The following GPR137B variants were observed in gnomAD, a reference collection of about 807,000 sequenced individuals.
GPR137B encodes integral membrane protein GPR137B.
GPR137B carries 42 observed loss-of-function variants against 42.5 expected under a neutral mutation model. That is an observed-to-expected ratio of 0.99 (90% CI 0.77 to 1.28). The LOEUF (loss-of-function observed/expected upper bound fraction) is 1.28. GPR137B is among the 50% of genes most tolerant of loss of function. The probability of loss-of-function intolerance (pLI) is 0.00; values close to 1 mark genes in which losing one functional copy is unlikely to be tolerated. For synonymous variants in GPR137B, 218 were observed against 209.7 expected (o/e 1.04, Z -0.34); for missense variants, 487 against 493.9 (o/e 0.99, Z 0.13).
chr1:236,174,679 G>A lies in GPR137B; in HGVS notation c.465-3735G>A, dbSNP rs111876805. ...AACAGAAATAGGAACACTTAGAGGC[G>A]TGCTAGAAGAGGGACACTGGGGCTG... On this transcript the variant is annotated intron_variant, in intron 2 of 6. Coordinates refer to ENST00000366592, the MANE Select transcript of GPR137B (RefSeq NM_003272.4). Among the ~76,000 whole-genome samples, 11 of 152,280 alleles carry A rather than the reference G, an allele frequency of 7.2e-5. 1 individual carries two copies. The highest frequency in any genetic ancestry group is 2.6e-4 in the African/African-American group (11 of 41,568).
intron 2 of GPR137B, among the ~76,000 whole-genome samples, chr1:236,174,212 CTAAGA>C (rs1662622809): frequency 6.6e-6 from 1 of 152,112 alleles, no homozygotes; most frequent in Non-Finnish European, 1.5e-5. Context: ...GCCTCCTTTC[CTAAGA>C]TAATAACAGG....
chr1:236,193,378 C>T (rs56679866), intron 5 of GPR137B, among the ~76,000 whole-genome samples: 1,689 of 152,106 alleles, frequency 0.011, 35 homozygotes, highest in African/African-American at 0.031. Flanking sequence ...TCATTTCTCT[C>T]GGGTATATTC....
At chr1:236,148,031 AGCTTC>A (rs1350957304) in intron 1 of GPR137B, among the ~76,000 whole-genome samples, 3 of 152,162 alleles carry the variant, frequency 2.0e-5, no homozygotes, top group African/African-American at 7.2e-5. Flanking sequence ...GGAACAGCTG[AGCTTC>A]TGCTCCCGGC....
chr1:236,183,976 T>C, intron 5 of GPR137B, 70 bp downstream of exon 5: 1 of 1,035,346 alleles, frequency 9.7e-7, no homozygotes, highest in South Asian at 1.6e-5. Context: ...CAATTAGAAC[T>C]TTTTCTTCAT....
At chr1:236,151,055 A>G (rs1434479689) in intron 1 of GPR137B, among the ~76,000 whole-genome samples, 1 of 152,224 alleles carries the variant, frequency 6.6e-6, no homozygotes, top group East Asian at 1.9e-4. Context: ...ATGTGATCCC[A>G]AGAGCCGCTT....
rs7541764 is a variant in GPR137B, at chr1:236,191,948, T to A, written c.966+8042T>A. Among the ~76,000 whole-genome samples the A allele has an allele frequency of 4.1e-3, 628 of 152,320 alleles. 4 individuals carry two copies. Among genetic ancestry groups the A allele is most frequent in the African/African-American group, 0.014 (593 of 41,570 alleles). The stretch of plus-strand genomic sequence containing the variant: ...CACAGCTGCCCCTTCCCCCAAGTGC[T>A]CTGTCCCAGGGAGATGGGGGTTTTA... On this transcript the variant is annotated intron_variant, in intron 5 of 6. Coordinates refer to ENST00000366592, the MANE Select transcript of GPR137B (RefSeq NM_003272.4).
chr1:236,160,506 C>G (rs769587062), intron 1 of GPR137B, among the ~76,000 whole-genome samples: 15 of 152,186 alleles, frequency 9.9e-5, no homozygotes, highest in Non-Finnish European at 1.6e-4. Context: ...TCCTGCCTCT[C>G]CCTGTCTGCC....
chr1:236,178,519 C>T lies in GPR137B; in HGVS notation c.570C>T (p.Ile190=), dbSNP rs757278753. The T allele has an allele frequency of 9.3e-6, 15 of 1,613,026 alleles. No homozygotes were observed. Among genetic ancestry groups the T allele is most frequent in the South Asian group, 4.4e-5 (4 of 91,038 alleles). ...VKTGNWERKV[I]VSVRVAINDT... ...CGGGAAATTGGGAGAGGAAGGTTAT[C>T]GTCTCTGTGCGAGTGGCCATTAATG... Residue 190 remains isoleucine, a synonymous_variant, in exon 3 of 7, where the codon ATC becomes ATT. Transcript: ENST00000366592.
At chr1:236,174,107 A>T (rs1439446776) in intron 2 of GPR137B, among the ~76,000 whole-genome samples, 1 of 152,164 alleles carries the variant, frequency 6.6e-6, no homozygotes, top group African/African-American at 2.4e-5. Context: ...GACAAAGTTG[A>T]TGTCTATATT....
chr1:236,152,735 CAA>C (rs1193514489), intron 1 of GPR137B, among the ~76,000 whole-genome samples: 4 of 151,702 alleles, frequency 2.6e-5, no homozygotes, highest in African/African-American at 7.3e-5. Context: ...ACCTGGGTGA[CAA>C]GAGTGAAACT....
intron 5 of GPR137B, among the ~76,000 whole-genome samples, chr1:236,190,830 C>T (rs1380232048): frequency 6.6e-6 from 1 of 152,056 alleles, no homozygotes; most frequent in African/African-American, 2.4e-5. Flanking sequence ...GTGTCTTGCC[C>T]TTCTTAAGGA....
intron 1 of GPR137B, among the ~76,000 whole-genome samples, chr1:236,145,033 T>A (rs998470329): frequency 2.0e-5 from 3 of 152,244 alleles, no homozygotes; most frequent in Non-Finnish European, 2.9e-5. Flanking sequence ...GGCCCTGTAC[T>A]CTTTATATCT....
chr1:236,157,179 G>C (rs1005731592), intron 1 of GPR137B, among the ~76,000 whole-genome samples: 1 of 151,886 alleles, frequency 6.6e-6, no homozygotes, highest in African/African-American at 2.4e-5. Flanking sequence ...GCTGATAATT[G>C]GTAGAGCCAG....
intron 2 of GPR137B, among the ~76,000 whole-genome samples, chr1:236,173,699 A>G (rs574385895): frequency 2.6e-5 from 4 of 152,234 alleles, no homozygotes; most frequent in East Asian, 1.9e-4. Context: ...AGGATGAGCT[A>G]TTTATCCTGG....
intron 5 of GPR137B, among the ~76,000 whole-genome samples, chr1:236,198,466 A>G (rs574978613): frequency 1.6e-4 from 25 of 152,270 alleles, no homozygotes; most frequent in South Asian, 1.5e-3. Flanking sequence ...TGGCCTCCCA[A>G]AGTGCTGGGA....
intron 1 of GPR137B, among the ~76,000 whole-genome samples, chr1:236,148,357 C>G (rs987824361): frequency 6.6e-6 from 1 of 152,214 alleles, no homozygotes. Flanking sequence ...AGCCACGTAT[C>G]CCAGCCCTTC....
intron 5 of GPR137B, among the ~76,000 whole-genome samples, chr1:236,186,308 A>G (rs1415597880): frequency 1.1e-5 from 1 of 91,620 alleles, no homozygotes; most frequent in African/African-American, 5.0e-5. Flanking sequence ...TATATATTAT[A>G]TATAATAATA....
At chr1:236,164,707 C>A (rs796235469) in intron 1 of GPR137B, among the ~76,000 whole-genome samples, 2 of 151,878 alleles carry the variant, frequency 1.3e-5, no homozygotes, top group East Asian at 3.8e-4. Context: ...ATTATATGTG[C>A]GTTTGTTGAT....
intron 1 of GPR137B, among the ~76,000 whole-genome samples, chr1:236,145,968 C>T (rs879740606): frequency 1.3e-5 from 2 of 152,178 alleles, no homozygotes; most frequent in Non-Finnish European, 2.9e-5. Flanking sequence ...AGCGATTCTC[C>T]TGCCTCAGCC....
Sources: gnomAD v4.1 joint callset for allele counts (sites outside exome capture counted in the v4.1 genomes callset) on GRCh38, gnomAD v4.1.1 for gene constraint, MANE v1.5 for transcripts, NCBI Gene and HGNC (gene_info 2026-07-23, HGNC 2026-07-21) for gene names.